LARGE1: variants seen among roughly 807,000 people sequenced by gnomAD.
LARGE1 encodes the protein LARGE xylosyl- and glucuronyltransferase 1.
A neutral mutation model predicts 87.6 loss-of-function variants in LARGE1; 43 were observed. The observed-to-expected ratio is 0.49, with a 90% CI of 0.38 to 0.63. The LOEUF is 0.63. LARGE1 is among the 30% of genes least tolerant of loss of function. The pLI, the probability that LARGE1 is intolerant of heterozygous loss-of-function variation, is 0.00. For synonymous variants in LARGE1, 434 were observed against 394.6 expected, an observed-to-expected ratio of 1.10 and a Z score of -1.18; for missense variants, 802 against 1,000.2, an observed-to-expected ratio of 0.80 and a Z score of 2.67.
At chr22:33,262,561 GC>G (rs1219539315) in intron 11 of LARGE1, among the ~76,000 whole-genome samples, 1 of 151,992 alleles carries the variant, frequency 6.6e-6, no homozygotes, top group South Asian at 2.1e-4. Context: ...GATCTTCAGT[GC>G]CCCCACCTGT....
intron 2 of LARGE1, among the ~76,000 whole-genome samples, chr22:33,748,913 T>G (rs1043837991): frequency 1.3e-5 from 2 of 152,210 alleles, no homozygotes; most frequent in Admixed American, 6.5e-5. Context: ...TATATCACAG[T>G]TCTCTAGGTT....
intron 6 of LARGE1, among the ~76,000 whole-genome samples, chr22:33,489,926 G>T (rs964090398): frequency 6.6e-6 from 1 of 152,182 alleles, no homozygotes; most frequent in Non-Finnish European, 1.5e-5. Flanking sequence ...TGGTGTTGCT[G>T]TCTCTAAAGA....
At chr22:33,811,240 T>G (rs1019975255) in intron 1 of LARGE1, among the ~76,000 whole-genome samples, 2 of 152,198 alleles carry the variant, frequency 1.3e-5, no homozygotes, top group Non-Finnish European at 2.9e-5. Flanking sequence ...ACTGTATTTC[T>G]TACAAATAGC....
chr22:33,612,801 T>C (rs927207553), intron 4 of LARGE1, among the ~76,000 whole-genome samples: 2 of 152,090 alleles, frequency 1.3e-5, no homozygotes, highest in Admixed American at 6.6e-5. Flanking sequence ...AGGCAGCAAA[T>C]AGAAGTTATA....
intron 9 of LARGE1, among the ~76,000 whole-genome samples, chr22:33,349,424 T>C (rs1940142431): frequency 1.3e-5 from 2 of 152,230 alleles, no homozygotes; most frequent in African/African-American, 4.8e-5. Flanking sequence ...CTGTGGAATA[T>C]ACACGCTCCA....
intron 6 of LARGE1, among the ~76,000 whole-genome samples, chr22:33,440,229 T>C (rs566289055): frequency 6.6e-6 from 1 of 152,302 alleles, no homozygotes; most frequent in African/African-American, 2.4e-5. Flanking sequence ...AAATATACAT[T>C]ATCCACAACC....
chr22:33,269,967 T>C (rs1458213770), downstream of LARGE1, among the ~76,000 whole-genome samples: 1 of 145,324 alleles, frequency 6.9e-6, no homozygotes, highest in Non-Finnish European at 1.5e-5. Context: ...ATCGCGCCAC[T>C]ACACTCCAGC....
At chr22:33,664,844 C>T (rs925275998) in intron 2 of LARGE1, among the ~76,000 whole-genome samples, 9 of 152,028 alleles carry the variant, frequency 5.9e-5, no homozygotes, top group East Asian at 1.9e-4. Context: ...GGTGACAGAG[C>T]GAGACTCCAT....
intron 11 of LARGE1, among the ~76,000 whole-genome samples, chr22:33,191,611 C>T (rs1302600285): frequency 6.6e-6 from 1 of 152,178 alleles, no homozygotes; most frequent in African/African-American, 2.4e-5. Flanking sequence ...CCACTCTGCC[C>T]CCAGAGTTAC....
rs116071564 is a variant in LARGE1, at chr22:33,392,954, G to T, written c.893-8650C>A. ...AGCCTTCTCAGTGTTCTGAAAATAGGTGGCTTATAGTGTCACAGCCTGCAT... is the reference window on the plus strand; with the variant it reads ...AGCCTTCTCAGTGTTCTGAAAATAGTTGGCTTATAGTGTCACAGCCTGCAT... On this transcript the variant is annotated intron_variant, in intron 7 of 14. Transcript: ENST00000397394. 4.0e-3 allele frequency among the ~76,000 whole-genome samples: 606 copies of T among 152,216 alleles called. 3 individuals are homozygous for T. Among genetic ancestry groups the T allele is most frequent in the African/African-American group, 0.014 (585 of 41,532 alleles).
At chr22:33,336,849 C>G (rs1171573026) in intron 10 of LARGE1, among the ~76,000 whole-genome samples, 1 of 151,994 alleles carries the variant, frequency 6.6e-6, no homozygotes, top group Non-Finnish European at 1.5e-5. Flanking sequence ...ATCACGAGGT[C>G]AGGAGATCGA....
At chr22:33,877,372 A>G (rs1428736737) in intron 1 of LARGE1, among the ~76,000 whole-genome samples, 1 of 152,104 alleles carries the variant, frequency 6.6e-6, no homozygotes, top group Non-Finnish European at 1.5e-5. Flanking sequence ...AGCCCCAAGT[A>G]TCCTCCAAAA....
intron 1 of LARGE1, among the ~76,000 whole-genome samples, chr22:33,896,347 G>T (rs1210947107): frequency 1.3e-5 from 2 of 152,162 alleles, no homozygotes; most frequent in African/African-American, 4.8e-5. Flanking sequence ...GAACACCTGG[G>T]TGGCTTCCAC....
intron 6 of LARGE1, among the ~76,000 whole-genome samples, chr22:33,505,374 T>C (rs2070712105): frequency 6.6e-6 from 1 of 152,224 alleles, no homozygotes. Context: ...ATTATCGTAG[T>C]AGAGATGAGA....
At chr22:33,561,803 C>T (rs2077871004) in intron 6 of LARGE1, among the ~76,000 whole-genome samples, 2 of 152,140 alleles carry the variant, frequency 1.3e-5, no homozygotes, top group African/African-American at 2.4e-5. Context: ...TAGCTGAAGT[C>T]GAGCTCAGGG....
chr22:33,207,037 T>C (rs573441019), intron 11 of LARGE1, among the ~76,000 whole-genome samples: 3 of 152,184 alleles, frequency 2.0e-5, no homozygotes, highest in African/African-American at 7.2e-5. Context: ...TTATGGGAAA[T>C]AGACTTGTTG....
intron 11 of LARGE1, among the ~76,000 whole-genome samples, chr22:33,217,994 A>T (rs900978681): frequency 2.0e-5 from 3 of 151,778 alleles, no homozygotes; most frequent in Non-Finnish European, 4.4e-5. Flanking sequence ...GAGTGGTACA[A>T]TCTTGGCTCA....
intron 1 of LARGE1, among the ~76,000 whole-genome samples, chr22:33,829,440 C>T (rs564429890): frequency 1.3e-5 from 2 of 152,244 alleles, no homozygotes; most frequent in East Asian, 1.9e-4. Context: ...TATTTCATAC[C>T]TATTTGTTTG....
At chr22:33,853,899 C>T (rs1349257251) in intron 1 of LARGE1, among the ~76,000 whole-genome samples, 12 of 152,148 alleles carry the variant, frequency 7.9e-5, no homozygotes, top group Non-Finnish European at 1.5e-4. Context: ...TCCCCGAGAA[C>T]ACCTCTCAGT....
Sources: gnomAD v4.1 joint callset for allele counts (sites outside exome capture counted in the v4.1 genomes callset) on GRCh38, gnomAD v4.1.1 for gene constraint, MANE v1.5 for transcripts, NCBI Gene and HGNC (gene_info 2026-07-23, HGNC 2026-07-21) for gene names.